Variants in PACRG observed in about 807,000 individuals in gnomAD.
The protein encoded by PACRG is parkin coregulated gene protein.
In PACRG, 29 loss-of-function variants were observed where a neutral mutation model predicts 29.7. That is an observed-to-expected ratio of 0.98 (90% confidence interval 0.73 to 1.33). The LOEUF (loss-of-function observed/expected upper bound fraction) is 1.33. Ranked by LOEUF, PACRG falls within the 40% of genes most tolerant of loss-of-function variation. The pLI, the probability that PACRG is intolerant of heterozygous loss-of-function variation, is 0.00. For missense variants in PACRG, 279 were observed against 316.2 expected (o/e 0.88, Z 0.89); for synonymous variants, 116 against 118.7 (o/e 0.98, Z 0.15).
intron 1 of PACRG, among the ~76,000 whole-genome samples, chr6:162,791,496 T>C (rs774922546): frequency 8.5e-5 from 13 of 152,150 alleles, no homozygotes; most frequent in Non-Finnish European, 1.8e-4. Context: ...TATTTATAGA[T>C]TGCCTGATCC....
At chr6:163,207,519 C>T (rs1333594819) in intron 4 of PACRG, among the ~76,000 whole-genome samples, 1 of 152,168 alleles carries the variant, frequency 6.6e-6, no homozygotes, top group African/African-American at 2.4e-5. Flanking sequence ...ATATTCAACT[C>T]CCTACGGTTT....
chr6:163,245,110 G>A, intron 4 of PACRG: 1 of 434,160 alleles, frequency 2.3e-6, no homozygotes, highest in Non-Finnish European at 4.6e-6. Context: ...TAATATGAAT[G>A]TCACACATTT....
chr6:162,923,330 C>A, intron 2 of PACRG, among the ~76,000 whole-genome samples: 1 of 152,006 alleles, frequency 6.6e-6, no homozygotes, highest in East Asian at 1.9e-4. Context: ...CAGATTGTCT[C>A]TTCACTCTAT....
intron 1 of PACRG, among the ~76,000 whole-genome samples, chr6:162,788,246 C>T (rs1451299758): frequency 6.6e-6 from 1 of 152,108 alleles, no homozygotes; most frequent in African/African-American, 2.4e-5. Flanking sequence ...GAATGTCATG[C>T]AGTTGGAATC....
chr6:162,785,463 G>A lies in PACRG; in HGVS notation c.157-28684G>A, dbSNP rs1784394356. Among the ~76,000 whole-genome samples the A allele has an allele frequency of 2.0e-5, 3 of 151,932 alleles. No homozygotes were observed. The South Asian group carries it at 6.3e-4, about 32-fold the overall frequency. On this transcript the variant is annotated intron_variant, in intron 1 of 4. Transcript: ENST00000366888. ...CTGTGAAAATGGTACAACTCCCAAG[G>A]GCCTGCACACCCAGTTCTGATGGAA...
upstream of PACRG, chr6:162,727,755 G>A: frequency 1.4e-6 from 2 of 1,406,730 alleles, no homozygotes; most frequent in Non-Finnish European, 2.0e-6. Context: ...CGGCTCTCCT[G>A]GGTTAAATCC....
At chr6:163,109,354 A>C (rs1191958033) in intron 4 of PACRG, among the ~76,000 whole-genome samples, 1 of 152,202 alleles carries the variant, frequency 6.6e-6, no homozygotes, top group Admixed American at 6.5e-5. Flanking sequence ...GAGCATCACT[A>C]TCACACGTTG....
At chr6:163,184,445 CA>C (rs1485963566) in intron 4 of PACRG, among the ~76,000 whole-genome samples, 5 of 152,284 alleles carry the variant, frequency 3.3e-5, no homozygotes, top group African/African-American at 1.2e-4. Flanking sequence ...GTGAAATTTT[CA>C]GTGTCCAATT....
At chr6:163,177,710 A>ATTTTTTTTTTTTTT (rs398003265) in intron 4 of PACRG, among the ~76,000 whole-genome samples, 1,038 of 53,738 alleles carry the variant, frequency 0.019, 252 homozygotes, top group African/African-American at 0.022. Flanking sequence ...TAGAAAAGGG[A>ATTTTTTTTTTTTTT]TTTTTTTTTT....
chr6:163,176,906 G>A (rs913591111), intron 4 of PACRG, among the ~76,000 whole-genome samples: 1 of 152,192 alleles, frequency 6.6e-6, no homozygotes, highest in Non-Finnish European at 1.5e-5. Flanking sequence ...AGGAATCTGG[G>A]ACAGTCAGCT....
At chr6:163,114,312 T>G (rs1393329791) in intron 4 of PACRG, among the ~76,000 whole-genome samples, 1 of 152,180 alleles carries the variant, frequency 6.6e-6, no homozygotes, top group East Asian at 1.9e-4. Flanking sequence ...GGAGCATTTT[T>G]TGTGTGTGTT....
At chr6:162,827,800 C>A (rs1431879617) in intron 2 of PACRG, among the ~76,000 whole-genome samples, 1 of 152,146 alleles carries the variant, frequency 6.6e-6, no homozygotes, top group East Asian at 2.0e-4. Flanking sequence ...CTCCTCTGCT[C>A]AGCCTCTAAC....
intron 1 of PACRG, among the ~76,000 whole-genome samples, chr6:162,793,518 G>T (rs568739535): frequency 1.3e-5 from 2 of 152,192 alleles, no homozygotes; most frequent in East Asian, 3.9e-4. Flanking sequence ...GTTGCTTCAT[G>T]GTTGGAACAT....
intron 3 of PACRG, among the ~76,000 whole-genome samples, chr6:163,073,101 A>T (rs1812226369): frequency 6.6e-6 from 1 of 152,180 alleles, no homozygotes; most frequent in African/African-American, 2.4e-5. Flanking sequence ...AGAAAAAAAC[A>T]ATTTTAAATT....
chr6:162,738,092 AAG>A lies in PACRG; in HGVS notation c.156+9706_156+9707del, dbSNP rs747116913. Among the ~76,000 whole-genome samples, 15 of 152,304 alleles carry A rather than the reference AAG, an allele frequency of 9.8e-5. 1 individual carries two copies. Among genetic ancestry groups the A allele is most frequent in the South Asian group, 8.3e-4 (4 of 4,822 alleles). On this transcript the variant is annotated intron_variant, in intron 1 of 4. Transcript: ENST00000366888. The stretch of plus-strand genomic sequence containing the variant: ...TTATAAGTAAAACAATAACCTCACT[AAG>A]AGAGCCACAGCTTAATTTGTACTCT...
intron 2 of PACRG, among the ~76,000 whole-genome samples, chr6:162,864,433 A>G (rs1584583018): frequency 6.6e-6 from 1 of 152,270 alleles, no homozygotes; most frequent in African/African-American, 2.4e-5. Flanking sequence ...GTGCTCACAC[A>G]TAGCACCTAG....
intron 4 of PACRG, among the ~76,000 whole-genome samples, chr6:163,122,455 G>T (rs971001184): frequency 6.6e-6 from 1 of 152,174 alleles, no homozygotes; most frequent in African/African-American, 2.4e-5. Context: ...GATCCCTCGC[G>T]AATGGCTTGG....
chr6:162,945,091 A>AG (rs1798908486), intron 2 of PACRG, among the ~76,000 whole-genome samples: 1 of 152,116 alleles, frequency 6.6e-6, no homozygotes, highest in Non-Finnish European at 1.5e-5. Context: ...ACATTAACAG[A>AG]GAAAAAAAAA....
chr6:162,982,262 T>A (rs1203602534), intron 2 of PACRG, among the ~76,000 whole-genome samples: 1 of 152,058 alleles, frequency 6.6e-6, no homozygotes, highest in East Asian at 1.9e-4. Flanking sequence ...TTGTTTCATT[T>A]ATCTTTTATA....
Sources: gnomAD v4.1 joint callset for allele counts (sites outside exome capture counted in the v4.1 genomes callset) on GRCh38, gnomAD v4.1.1 for gene constraint, MANE v1.5 for transcripts, NCBI Gene and HGNC (gene_info 2026-07-23, HGNC 2026-07-21) for gene names.